The following RGPD8 variants were observed in gnomAD, a reference collection of about 807,000 sequenced individuals.
RGPD8 encodes RANBP2-like and GRIP domain-containing protein 8.
A neutral mutation model predicts 89.1 loss-of-function variants in RGPD8; 15 were observed. The ratio of observed to expected loss-of-function variants is 0.17; its 90% CI spans 0.11 to 0.26. The LOEUF is 0.26. Ranked by LOEUF, RGPD8 falls within the 10% of genes least tolerant of loss-of-function variation. The pLI, the probability that RGPD8 is intolerant of heterozygous loss-of-function variation, is 1.00. For missense variants in RGPD8, 178 were observed against 1,179.6 expected (o/e 0.15, Z 12.44); for synonymous variants, 62 against 420.9 (o/e 0.15, Z 10.44).
At chr2:112,411,458 C>G (rs1253644785) in intron 7 of RGPD8, among the ~76,000 whole-genome samples, 1 of 107,038 alleles carries the variant, frequency 9.3e-6, no homozygotes, top group African/African-American at 3.8e-5. Context: ...GTAGTCCCAG[C>G]TACTCAGGAG....
In RGPD8 at chr2:112,429,932, C is replaced by T. The variant is rs1397761357; in HGVS notation, c.72+3450G>A. 4.6e-5 allele frequency among the ~76,000 whole-genome samples: 7 copies of T among 152,100 alleles called. No homozygotes were observed. In the South Asian group the frequency reaches 8.3e-4, roughly 18 times the overall value. Reference sequence around the variant, plus strand: ...AAGCAATTCTCCTGTCTCAGCCTACCGAGTAGGTGGGACTACAGGCGCTGC... The same window carrying T: ...AAGCAATTCTCCTGTCTCAGCCTACTGAGTAGGTGGGACTACAGGCGCTGC... On this transcript the variant is annotated intron_variant, in intron 1 of 22. Transcript: ENST00000302558.
intron 1 of RGPD8, among the ~76,000 whole-genome samples, chr2:112,429,565 G>A (rs1164430615): frequency 6.6e-6 from 1 of 151,940 alleles, no homozygotes; most frequent in African/African-American, 2.4e-5. Context: ...GCTGTCAAAG[G>A]TGCCTGCCTG....
chr2:112,379,467 T>C (rs1259338217), intron 21 of RGPD8, among the ~76,000 whole-genome samples: 9 of 149,598 alleles, frequency 6.0e-5, no homozygotes, highest in African/African-American at 2.0e-4. Flanking sequence ...TGGTGGTGCA[T>C]GCCTGCAGTC....
chr2:112,429,333 G>A (rs1170577769), intron 1 of RGPD8, among the ~76,000 whole-genome samples: 14 of 143,366 alleles, frequency 9.8e-5, no homozygotes, highest in Non-Finnish European at 1.5e-4. Context: ...GGAGAATGGC[G>A]TGAACCCCGG....
intron 22 of RGPD8, 69 bp from the exon 23 acceptor site, chr2:112,370,281 A>C: frequency 1.1e-6 from 1 of 880,950 alleles, no homozygotes; most frequent in South Asian, 1.7e-5. Context: ...TGTAAAATCT[A>C]TATTTTAGAA....
chr2:112,426,755 T>C (rs1478715677), intron 1 of RGPD8, among the ~76,000 whole-genome samples: 4 of 151,092 alleles, frequency 2.6e-5, no homozygotes, highest in South Asian at 2.1e-4. Context: ...AAAAGAACTA[T>C]AGCAATCTTA....
chr2:112,431,707 G>A (rs1342513762), intron 1 of RGPD8, among the ~76,000 whole-genome samples: 1 of 151,576 alleles, frequency 6.6e-6, no homozygotes, highest in East Asian at 1.9e-4. Flanking sequence ...CGCGATCTCG[G>A]CTCACTAGAA....
At chr2:112,432,598 C>T (rs1175335387) in intron 1 of RGPD8, 3 of 985,108 alleles carry the variant, frequency 3.0e-6, no homozygotes, top group Admixed American at 1.2e-4. Context: ...TCCTCCAGGC[C>T]AAGGAGGTAC....
At chr2:112,432,496 G>A (rs886589299) in intron 1 of RGPD8, 105 of 985,154 alleles carry the variant, frequency 1.1e-4, no homozygotes, top group African/African-American at 1.6e-4. Context: ...TTGTGCCATC[G>A]GGCCATTGCA....
chr2:112,410,902 A>G (rs1206374903), intron 7 of RGPD8, among the ~76,000 whole-genome samples: 1 of 152,300 alleles, frequency 6.6e-6, no homozygotes, highest in East Asian at 1.9e-4. Context: ...CCTGACCAAC[A>G]TGGAGAAACC....
rs1372295449 is a variant in RGPD8 at position 112,422,259 on chromosome 2, TTAAAA to T, written c.253-152_253-148del. On this transcript the variant is annotated intron_variant, in intron 3 of 22. Transcript: ENST00000302558. The stretch of plus-strand genomic sequence containing the variant: ...GAGAAAACATGTTACTTTAAAGGTG[TTAAAA>T]TAAAAGTGTCTTGGAATTTTCTAGA... The T allele has an allele frequency of 2.2e-5, 4 of 182,082 alleles. 1 individual carries two copies. Among genetic ancestry groups the T allele is most frequent in the South Asian group, 1.6e-4 (2 of 12,842 alleles). The allele number at this position is 182,082 out of a possible 1,614,324, so 11.3% of individuals were successfully genotyped here.
At chr2:112,429,150 G>T (rs1679904341) in intron 1 of RGPD8, among the ~76,000 whole-genome samples, 1 of 151,876 alleles carries the variant, frequency 6.6e-6, no homozygotes, top group Non-Finnish European at 1.5e-5. Context: ...GCCGGGCGCG[G>T]TGGCTCACGC....
At chr2:112,415,763 G>A (rs1488335439) in intron 6 of RGPD8, among the ~76,000 whole-genome samples, 3 of 136,512 alleles carry the variant, frequency 2.2e-5, no homozygotes, top group Non-Finnish European at 3.1e-5. Context: ...GGCACATGTA[G>A]TCCCACCTAT....
Position 112,433,526 on chromosome 2 carries a change from G to C in RGPD8, c.-73C>G, listed in dbSNP as rs1396397577. 5.7e-5 allele frequency: 84 copies of C among 1,462,368 alleles called. No individual in the cohort carries two copies. In the East Asian group the frequency reaches 2.0e-3, roughly 34 times the overall value. 90.6% of individuals were successfully genotyped at this position (1,462,368 alleles called of 1,614,324 possible). A position where few individuals can be genotyped will look rare whatever the true frequency, so the allele number is the denominator to read the frequency against. ...CCGCAGCAGTCGCCACTTCCAAGAG[G>C]AAAGTGCCTGCAAGCCACTGAAGCA... On this transcript the variant is annotated 5_prime_UTR_variant, in exon 1 of 23. Transcript: ENST00000302558.
chr2:112,432,111 G>A (rs1471590970), intron 1 of RGPD8, among the ~76,000 whole-genome samples: 2 of 152,160 alleles, frequency 1.3e-5, no homozygotes, highest in Non-Finnish European at 2.9e-5. Flanking sequence ...GCTTATAAAC[G>A]ACAGTGCTGT....
chr2:112,371,771 T>C (rs1677971092), intron 22 of RGPD8, among the ~76,000 whole-genome samples: 1 of 109,282 alleles, frequency 9.2e-6, no homozygotes, highest in Non-Finnish European at 1.8e-5. Context: ...TGGATAAAGA[T>C]TTAATTTGGT....
Position 112,369,970 on chromosome 2 carries a change from G to A in RGPD8, c.*208C>T, listed in dbSNP as rs1677901247. ...CCTGGTATCAACACTTCAAGCTGTT[G>A]TACTTTTACTTCAAGTTGAAACTTT... On this transcript the variant is annotated 3_prime_UTR_variant, in exon 23 of 23. Transcript: ENST00000302558. 3 of 318,458 alleles carry A rather than the reference G, an allele frequency of 9.4e-6. No individual in the cohort carries two copies. Among genetic ancestry groups the A allele is most frequent in the East Asian group, 1.2e-4 (2 of 17,122 alleles). The allele number at this position is 318,458 out of a possible 1,614,324, so 19.7% of individuals were successfully genotyped here. A position where few individuals can be genotyped will look rare whatever the true frequency, so the allele number is the denominator to read the frequency against.
chr2:112,431,190 G>A (rs1030320298), intron 1 of RGPD8, among the ~76,000 whole-genome samples: 4 of 152,118 alleles, frequency 2.6e-5, no homozygotes, highest in East Asian at 3.8e-4. Flanking sequence ...CTGGGGAGGC[G>A]GAAGCTGCAG....
At chr2:112,379,422 G>A (rs1404119724) in intron 21 of RGPD8, among the ~76,000 whole-genome samples, 4 of 149,014 alleles carry the variant, frequency 2.7e-5, no homozygotes, top group African/African-American at 9.8e-5. Context: ...TGGTGAAACT[G>A]TGTCTCTAGT....
Sources: gnomAD v4.1 joint callset for allele counts (sites outside exome capture counted in the v4.1 genomes callset) on GRCh38, gnomAD v4.1.1 for gene constraint, MANE v1.5 for transcripts, NCBI Gene and HGNC (gene_info 2026-07-23, HGNC 2026-07-21) for gene names.